The following TM9SF3 variants were observed in gnomAD, a reference collection of about 807,000 sequenced individuals.
TM9SF3 encodes the protein SM-11044-binding protein.
In TM9SF3, 14 loss-of-function variants were observed where a neutral mutation model predicts 78.6. That is an observed-to-expected ratio of 0.18 (90% confidence interval 0.12 to 0.28). TM9SF3 has a LOEUF of 0.28. Among genes scored for constraint, TM9SF3 ranks in the 10% least tolerant of loss-of-function variants. TM9SF3 has a pLI of 1.00. For missense variants in TM9SF3, 496 were observed against 721.9 expected (o/e 0.69, Z 3.59); for synonymous variants, 231 against 241.7 (o/e 0.96, Z 0.41).
At chr10:96,537,603 C>T (rs1847975158) in intron 9 of TM9SF3, among the ~76,000 whole-genome samples, 1 of 152,176 alleles carries the variant, frequency 6.6e-6, no homozygotes, top group African/African-American at 2.4e-5. Flanking sequence ...GAGGCCAAGG[C>T]AGGCGGATCA....
chr10:96,563,195 C>T (rs550726963), intron 3 of TM9SF3, among the ~76,000 whole-genome samples: 1 of 152,248 alleles, frequency 6.6e-6, no homozygotes, highest in South Asian at 2.1e-4. Flanking sequence ...CCTACCTCAG[C>T]CTCTAGAGTA....
chr10:96,560,629 AG>A, intron 4 of TM9SF3: 1 of 646,998 alleles, frequency 1.5e-6, no homozygotes, highest in African/African-American at 1.8e-5. Context: ...GGTGGTAGCA[AG>A]GTTCCACAGA....
intron 8 of TM9SF3, among the ~76,000 whole-genome samples, chr10:96,547,039 A>G (rs1848109692): frequency 6.6e-6 from 1 of 152,248 alleles, no homozygotes; most frequent in Non-Finnish European, 1.5e-5. Context: ...GTATCCTTGT[A>G]TTATCGTGTT....
chr10:96,577,146 T>C (rs930989964), intron 1 of TM9SF3, among the ~76,000 whole-genome samples: 1 of 151,516 alleles, frequency 6.6e-6, no homozygotes, highest in Admixed American at 6.6e-5. Context: ...TATCAAATAG[T>C]GGCAAACCTG....
rs115823198 is a variant in TM9SF3 at position 96,520,919 on chromosome 10, G to C, written c.*1344C>G. ...TAGCATACTTTTAAAAATGGCATTC[G>C]GTAATTTTGCCTTCTGGACAGAAAG... On this transcript the variant is annotated 3_prime_UTR_variant, in exon 15 of 15. Transcript: ENST00000371142. 2.5e-6 allele frequency: 1 copy of C among 397,026 alleles called. No homozygotes were observed. Among genetic ancestry groups the C allele is most frequent in the African/African-American group, 2.1e-5 (1 of 48,488 alleles). 24.6% of individuals were successfully genotyped at this position (397,026 alleles called of 1,614,324 possible).
chr10:96,562,604 G>A (rs1185246440), intron 3 of TM9SF3, among the ~76,000 whole-genome samples: 1 of 152,138 alleles, frequency 6.6e-6, no homozygotes, highest in Non-Finnish European at 1.5e-5. Context: ...TTCCCAGTAA[G>A]ATGTACACAT....
At chr10:96,572,612 C>T (rs1235242516) in intron 2 of TM9SF3, among the ~76,000 whole-genome samples, 4 of 151,354 alleles carry the variant, frequency 2.6e-5, no homozygotes, top group East Asian at 1.9e-4. Context: ...CTGCAAGCTC[C>T]GCCTCCTGGG....
chr10:96,543,887 G>C (rs925223302), intron 9 of TM9SF3, 189 bp downstream of exon 9: 1 of 382,254 alleles, frequency 2.6e-6, no homozygotes. Flanking sequence ...GCCAACTATA[G>C]GTTTAAACTT....
chr10:96,539,282 C>A (rs1270018830), intron 9 of TM9SF3, among the ~76,000 whole-genome samples: 1 of 152,132 alleles, frequency 6.6e-6, no homozygotes, highest in Non-Finnish European at 1.5e-5. Context: ...ACCTGCCTGG[C>A]CAACATGGTG....
intron 1 of TM9SF3, among the ~76,000 whole-genome samples, chr10:96,582,869 CAGG>C (rs1848587027): frequency 6.6e-6 from 1 of 151,960 alleles, no homozygotes; most frequent in South Asian, 2.1e-4. Flanking sequence ...CACCTGATAT[CAGG>C]AGTTCAAGAC....
intron 7 of TM9SF3, among the ~76,000 whole-genome samples, chr10:96,549,334 C>T (rs1848140487): frequency 6.6e-6 from 1 of 152,128 alleles, no homozygotes; most frequent in East Asian, 1.9e-4. Context: ...CATTTTCTCA[C>T]CACTTTGTAT....
intron 4 of TM9SF3, chr10:96,560,712 A>G: frequency 1.7e-6 from 1 of 579,870 alleles, no homozygotes; most frequent in East Asian, 4.1e-5. Context: ...AACTAAAGAA[A>G]AACCACCAGT....
chr10:96,560,047 T>C (rs1310445406), intron 4 of TM9SF3: 3 of 576,338 alleles, frequency 5.2e-6, no homozygotes, highest in Non-Finnish European at 9.3e-6. Context: ...TAAGCTCATA[T>C]CACAAGTGTC....
At chr10:96,530,687 C>T (rs1303278134) in intron 10 of TM9SF3, 79 bp from the exon 11 acceptor site, 1 of 1,288,412 alleles carries the variant, frequency 7.8e-7, no homozygotes, top group East Asian at 2.5e-5. Context: ...AAAGCAGGTA[C>T]TTGACACTTA....
At chr10:96,565,099 T>C (rs1848353760) in intron 3 of TM9SF3, among the ~76,000 whole-genome samples, 1 of 152,164 alleles carries the variant, frequency 6.6e-6, no homozygotes, top group African/African-American at 2.4e-5. Context: ...AGTTATATTT[T>C]AGGCAAGTTT....
At chr10:96,571,742 G>A (rs1015183160) in intron 2 of TM9SF3, among the ~76,000 whole-genome samples, 3 of 152,106 alleles carry the variant, frequency 2.0e-5, no homozygotes, top group African/African-American at 4.8e-5. Context: ...GTTAAGTTGC[G>A]AAATTCAAGG....
intron 9 of TM9SF3, among the ~76,000 whole-genome samples, chr10:96,539,755 C>G (rs899609618): frequency 6.6e-6 from 1 of 152,166 alleles, no homozygotes; most frequent in East Asian, 1.9e-4. Context: ...AGGGCAAAAA[C>G]CATAACCACT....
rs1848122503 is a variant in TM9SF3 at position 96,547,999 on chromosome 10, C to CA, written c.960-11dup. The CA allele has an allele frequency of 3.3e-6, 5 of 1,521,852 alleles. No homozygotes were observed. Among genetic ancestry groups the CA allele is most frequent in the East Asian group, 4.8e-5 (2 of 41,786 alleles). 94.3% of individuals were successfully genotyped at this position (1,521,852 alleles called of 1,614,324 possible). On this transcript the variant is annotated splice_polypyrimidine_tract_variant and intron_variant, in intron 7 of 14. Transcript: ENST00000371142. Reference sequence around the variant, plus strand: ...GAGCATTGATCCCCTCCTAAAAAGGCAAAAAAGAAAAAAAAAATTAAAACC... The same window carrying CA: ...GAGCATTGATCCCCTCCTAAAAAGGCAAAAAAAGAAAAAAAAAATTAAAACC...
intron 12 of TM9SF3, 137 bp from the exon 13 acceptor site, chr10:96,527,633 G>A: frequency 1.6e-6 from 1 of 635,858 alleles, no homozygotes; most frequent in Non-Finnish European, 2.6e-6. Context: ...GCATAGACAT[G>A]GTATTCAAAT....
Sources: gnomAD v4.1 joint callset for allele counts (sites outside exome capture counted in the v4.1 genomes callset) on GRCh38, gnomAD v4.1.1 for gene constraint, MANE v1.5 for transcripts, NCBI Gene and HGNC (gene_info 2026-07-23, HGNC 2026-07-21) for gene names.